Variants in RYR1 observed in about 807,000 individuals in gnomAD.
RYR1 encodes the protein ryanodine receptor 1.
Under a neutral mutation model 583.5 loss-of-function variants are expected in RYR1, and 342 were observed. The ratio of observed to expected loss-of-function variants is 0.59; its 90% CI spans 0.54 to 0.64. The LOEUF is 0.64. Among genes scored for constraint, RYR1 ranks in the 30% least tolerant of loss-of-function variants. RYR1 has a pLI of 0.00. For missense variants in RYR1, 6,032 were observed against 6,917.2 expected (o/e 0.87, Z 4.54); for synonymous variants, 2,791 against 2,822.5 (o/e 0.99, Z 0.35).
chr19:38,524,895 G>A (rs1306969679), intron 70 of RYR1, among the ~76,000 whole-genome samples: 1 of 152,104 alleles, frequency 6.6e-6, no homozygotes, highest in East Asian at 1.9e-4. Flanking sequence ...GAAGAGGACT[G>A]CTAGAAGTTG....
chr19:38,552,144 G>A (rs1042964641), intron 89 of RYR1, among the ~76,000 whole-genome samples: 1 of 151,622 alleles, frequency 6.6e-6, no homozygotes, highest in African/African-American at 2.4e-5. Flanking sequence ...TTAGAGACGG[G>A]GTTTGACATG....
At chr19:38,554,454 A>G in intron 89 of RYR1, among the ~76,000 whole-genome samples, 1 of 144,062 alleles carries the variant, frequency 6.9e-6, no homozygotes, top group Non-Finnish European at 1.5e-5. Flanking sequence ...CAGTCTCAAA[A>G]GAAAAAAAAA....
chr19:38,532,810 A>G (rs1971801535), intron 78 of RYR1, 74 bp downstream of exon 78: 1 of 1,479,492 alleles, frequency 6.8e-7, no homozygotes, highest in Non-Finnish European at 9.4e-7. Flanking sequence ...TTCATTCAGC[A>G]TGTGTTCACA....
At chr19:38,447,215 ATCCTG>A (rs1972986280) in intron 9 of RYR1, among the ~76,000 whole-genome samples, 1 of 132,220 alleles carries the variant, frequency 7.6e-6, no homozygotes, top group Admixed American at 8.3e-5. Context: ...ACAGAGCAAG[ATCCTG>A]TCTCAAACAA....
chr19:38,457,934 C>T, intron 17 of RYR1, 117 bp from the exon 18 acceptor site: 1 of 1,085,866 alleles, frequency 9.2e-7, no homozygotes, highest in Non-Finnish European at 1.4e-6. Flanking sequence ...TTCTCCCTGT[C>T]TCTCTCCCAT....
At chr19:38,502,799 AGGGGCAGGGGGAGGAGCAGGGGCAGGGGC>A (rs1970232425) in intron 48 of RYR1, 52 bp from the exon 49 acceptor site, 1 of 406,012 alleles carries the variant, frequency 2.5e-6, no homozygotes, top group African/African-American at 8.5e-5. Context: ...GGGCAGGGGC[AGGGGCAGGGGGAGGAGCAGGGGCAGGGGC>A]AGCAGAGCGG....
At chr19:38,515,185 G>A in intron 64 of RYR1, 78 bp downstream of exon 64, 1 of 1,063,546 alleles carries the variant, frequency 9.4e-7, no homozygotes, top group Non-Finnish European at 1.4e-6. Flanking sequence ...AGATGGGGTG[G>A]GTGAAAAGCA....
In RYR1 at chr19:38,504,130, C is replaced by T. The variant is rs925133929; in HGVS notation, c.7927-90C>T. On this transcript the variant is annotated intron_variant, in intron 49 of 105. Coordinates refer to ENST00000359596, the MANE Select transcript of RYR1 (RefSeq NM_000540.3). The stretch of plus-strand genomic sequence containing the variant: ...ACACCTCCTTCATAATTTAAAAGCA[C>T]TGGCATGCCTGTGTCTCTCTGGGCC... 25 of 1,403,976 alleles carry T rather than the reference C, an allele frequency of 1.8e-5. No individual in the cohort carries two copies. The Admixed American group carries it at 4.1e-4, about 23-fold the overall frequency. The allele number at this position is 1,403,976 out of a possible 1,614,324, so 87.0% of individuals were successfully genotyped here. A position where few individuals can be genotyped will look rare whatever the true frequency, so the allele number is the denominator to read the frequency against.
In RYR1 at chr19:38,519,348, G is replaced by T. The variant is rs966978611; in HGVS notation, c.10153G>T (p.Ala3385Ser). ...EEEQLRLEAKAEAQEGELLVR... is the reference protein window; with the variant it reads ...EEEQLRLEAKSEAQEGELLVR... ...GGAGCAGCTGCGCCTGGAGGCCAAG[G>T]CGGAGGCCCAGGAGGGCGAGCTGCT... Residue 3385 changes from alanine (A) to serine (S), a missense_variant, in exon 67 of 106, where the codon GCG becomes TCG. This residue lies in a region of RYR1 where 1,493 missense variants were observed against 1,715.5 expected (regional missense o/e 0.87). Coordinates refer to ENST00000359596, the MANE Select transcript of RYR1 (RefSeq NM_000540.3). 6.2e-7 allele frequency: 1 copy of T among 1,612,650 alleles called. No individual in the cohort carries two copies. The highest frequency in any genetic ancestry group is 2.2e-5 in the East Asian group (1 of 44,808).
At position 38,491,623 on chromosome 19, in the gene RYR1, T is replaced by G. The variant is rs1969555083; in HGVS notation, c.6128-867T>G. Reference sequence around the variant, plus strand: ...TTTTAATTTTTTTATAGAGTCGGGGTTTTGCCATATTGCCCAGGCTGGTCT... The same window carrying G: ...TTTTAATTTTTTTATAGAGTCGGGGGTTTGCCATATTGCCCAGGCTGGTCT... On this transcript the variant is annotated intron_variant, in intron 37 of 105. Coordinates refer to ENST00000359596, the MANE Select transcript of RYR1 (RefSeq NM_000540.3). Among the ~76,000 whole-genome samples, 4 of 151,908 alleles carry G rather than the reference T, an allele frequency of 2.6e-5. No individual in the cohort carries two copies. The South Asian group carries it at 6.2e-4, about 24-fold the overall frequency.
Position 38,478,500 on chromosome 19 carries a change from G to T in RYR1, c.4520G>T (p.Arg1507Leu). ...TTTGTGAGTCCCGGGCAGCAGGGCC[G>T]GATCAGCCACACGGACCTTGTCATT... Reference protein sequence around the residue: ...GDFVSPGQQGRISHTDLVIGC... With the variant: ...GDFVSPGQQGLISHTDLVIGC... The change falls in exon 31 of 106, where the codon CGG becomes CTG. Residue 1507 changes from arginine (R) to leucine (L), a missense_variant. By Grantham distance (102) the Arg-to-Leu change is moderately radical. Coordinates refer to ENST00000359596, the MANE Select transcript of RYR1 (RefSeq NM_000540.3). 6.2e-7 allele frequency: 1 copy of T among 1,614,104 alleles called. No individual in the cohort carries two copies. The highest frequency in any genetic ancestry group is 1.1e-5 in the South Asian group (1 of 91,084).
At chr19:38,516,335 C>G in intron 65 of RYR1, 118 bp downstream of exon 65, 1 of 1,288,186 alleles carries the variant, frequency 7.8e-7, no homozygotes, top group Non-Finnish European at 1.1e-6. Flanking sequence ...GCTGAGGATT[C>G]CCCAGGTTGG....
At position 38,494,493 on chromosome 19, in the gene RYR1, C is replaced by G; in HGVS notation, c.6416C>G (p.Pro2139Arg). 1 of 1,613,356 alleles carries G rather than the reference C, an allele frequency of 6.2e-7. No individual in the cohort carries two copies. Among genetic ancestry groups the G allele is most frequent in the Non-Finnish European group, 8.5e-7 (1 of 1,180,014 alleles). ...CTGGGTGAGCTGCTGCGTGCCCTGC[C>G]GCGGGCGTACACCATCTCACCGTCC... is the stretch of plus-strand genomic sequence containing the variant. ...DGLGELLRAL[P>R]RAYTISPSSV... Residue 2139 changes from proline to arginine, a missense_variant, in exon 39 of 106, where the codon CCG becomes CGG. Transcript: ENST00000359596.
chr19:38,534,922 C>G (rs1971901320), intron 79 of RYR1, 103 bp downstream of exon 79: 4 of 1,333,854 alleles, frequency 3.0e-6, no homozygotes, highest in Non-Finnish European at 4.2e-6. Flanking sequence ...CCCCTCAATG[C>G]CTGTGGTTTG....
chr19:38,522,497 A>G (rs1170658058), intron 67 of RYR1, among the ~76,000 whole-genome samples: 2 of 152,130 alleles, frequency 1.3e-5, no homozygotes, highest in Non-Finnish European at 2.9e-5. Flanking sequence ...CTGTAGTCCC[A>G]GCTACTCAGG....
intron 18 of RYR1, among the ~76,000 whole-genome samples, chr19:38,458,548 G>A (rs896015393): frequency 6.6e-5 from 10 of 152,120 alleles, no homozygotes; most frequent in Admixed American, 4.6e-4. Context: ...AGAAGACCAC[G>A]CAGATTACTG....
chr19:38,505,279 C>T (rs918224168), intron 52 of RYR1, 30 bp from the exon 53 acceptor site: 6 of 1,514,436 alleles, frequency 4.0e-6, no homozygotes, highest in Non-Finnish European at 5.5e-6. Flanking sequence ...CTGCTGCCTC[C>T]CCCTCACCCT....
intron 49 of RYR1, among the ~76,000 whole-genome samples, chr19:38,503,478 A>C (rs2145623158): frequency 6.6e-6 from 1 of 152,328 alleles, no homozygotes; most frequent in South Asian, 2.1e-4. Context: ...CTCCTATTTC[A>C]AATTTGCATT....
intron 47 of RYR1, among the ~76,000 whole-genome samples, chr19:38,501,616 C>T (rs917353368): frequency 4.6e-5 from 7 of 152,152 alleles, no homozygotes; most frequent in South Asian, 2.1e-4. Flanking sequence ...AAGTGACCAC[C>T]GATTTGGCAA....
Sources: gnomAD v4.1 joint callset for allele counts (sites outside exome capture counted in the v4.1 genomes callset) on GRCh38, gnomAD v4.1.1 for gene constraint, gnomAD v4.1.1 regional missense constraint, MANE v1.5 for transcripts, NCBI Gene and HGNC (gene_info 2026-07-23, HGNC 2026-07-21) for gene names.